RCAN2: variants seen among roughly 807,000 people sequenced by gnomAD.
RCAN2 encodes the protein regulator of calcineurin 2.
RCAN2 carries 9 observed loss-of-function variants against 23.6 expected under a neutral mutation model. The ratio of observed to expected loss-of-function variants is 0.38; its 90% CI spans 0.23 to 0.67. RCAN2 has a LOEUF of 0.67. Ranked by LOEUF, RCAN2 falls within the 30% of genes least tolerant of loss-of-function variation. The pLI is 0.51. For synonymous variants in RCAN2, 109 were observed against 115.7 expected (o/e 0.94, Z 0.37); for missense variants, 273 against 302.3 (o/e 0.90, Z 0.72).
chr6:46,369,258 T>TGTC (rs1207081689), intron 2 of RCAN2, among the ~76,000 whole-genome samples: 2 of 152,184 alleles, frequency 1.3e-5, no homozygotes, highest in African/African-American at 4.8e-5. Flanking sequence ...CCTTCTGGAA[T>TGTC]ACCTCCTGAA....
chr6:46,457,045 C>T lies in RCAN2; in HGVS notation c.-2-67G>A, dbSNP rs976488168. Reference sequence around the variant, plus strand: ...TCCTTAAAACTCAGTTTTCGGGTCACAGTTTTGTATTGTCAGGGGCAGAAC... The same window carrying T: ...TCCTTAAAACTCAGTTTTCGGGTCATAGTTTTGTATTGTCAGGGGCAGAAC... On this transcript the variant is annotated intron_variant, in intron 1 of 4. Coordinates refer to ENST00000371374, the MANE Select transcript of RCAN2 (RefSeq NM_001251974.2). 6.2e-6 allele frequency: 7 copies of T among 1,123,760 alleles called. No homozygotes were observed. The African/African-American group carries it at 7.7e-5, about 12-fold the overall frequency. 69.6% of individuals were successfully genotyped at this position (1,123,760 alleles called of 1,614,324 possible).
chr6:46,336,475 T>C (rs1764147929), intron 2 of RCAN2, among the ~76,000 whole-genome samples: 1 of 152,134 alleles, frequency 6.6e-6, no homozygotes, highest in Non-Finnish European at 1.5e-5. Flanking sequence ...GAAGGGCATG[T>C]GATGTGGATG....
intron 2 of RCAN2, among the ~76,000 whole-genome samples, chr6:46,251,772 G>A (rs536151081): frequency 1.7e-4 from 26 of 152,236 alleles, no homozygotes; most frequent in East Asian, 5.8e-4. Context: ...GGCAGACATC[G>A]AGAACATCTT....
chr6:46,373,711 C>G (rs1251533545), intron 2 of RCAN2, among the ~76,000 whole-genome samples: 3 of 152,080 alleles, frequency 2.0e-5, no homozygotes, highest in African/African-American at 7.2e-5. Context: ...AGATAGGTAC[C>G]TAGGGACAGT....
Position 46,319,867 on chromosome 6 carries a change from A to T in RCAN2, c.226-70971T>A, listed in dbSNP as rs551547206. Among the ~76,000 whole-genome samples, 35 of 152,286 alleles carry T rather than the reference A, an allele frequency of 2.3e-4. 1 individual carries two copies. Among genetic ancestry groups the T allele is most frequent in the African/African-American group, 8.4e-4 (35 of 41,552 alleles). On this transcript the variant is annotated intron_variant, in intron 2 of 4. Coordinates refer to ENST00000371374, the MANE Select transcript of RCAN2 (RefSeq NM_001251974.2). ...TGGAGGGTTAGAATCTGTTATACACATGCCATCTCTCTTGCCACCTCACAC... is the reference window on the plus strand; with the variant it reads ...TGGAGGGTTAGAATCTGTTATACACTTGCCATCTCTCTTGCCACCTCACAC...
intron 2 of RCAN2, among the ~76,000 whole-genome samples, chr6:46,450,915 T>C (rs1280328138): frequency 6.6e-6 from 1 of 152,098 alleles, no homozygotes; most frequent in Non-Finnish European, 1.5e-5. Flanking sequence ...AGGTAGATTT[T>C]ATATATTCTC....
Position 46,300,076 on chromosome 6 carries a change from G to A in RCAN2, c.226-51180C>T, listed in dbSNP as rs958209317. 3.3e-5 allele frequency among the ~76,000 whole-genome samples: 5 copies of A among 151,234 alleles called. No homozygotes were observed. The East Asian group carries it at 5.8e-4, about 18-fold the overall frequency. On this transcript the variant is annotated intron_variant, in intron 2 of 4. Transcript: ENST00000371374. ...TAAAGCAATTTAAAAGAAGCCAAAT[G>A]TAAAGTAAAAGTAAAAGCAAAATGA...
chr6:46,413,034 T>C (rs944955524), intron 2 of RCAN2, among the ~76,000 whole-genome samples: 18 of 152,240 alleles, frequency 1.2e-4, no homozygotes, highest in African/African-American at 1.9e-4. Flanking sequence ...AATGATTGTC[T>C]TTAATCAAAG....
At chr6:46,320,420 T>A (rs1352771946) in intron 2 of RCAN2, among the ~76,000 whole-genome samples, 1 of 152,214 alleles carries the variant, frequency 6.6e-6, no homozygotes, top group Non-Finnish European at 1.5e-5. Flanking sequence ...TGATTTGAAA[T>A]GTCCAGTGGT....
chr6:46,338,829 G>A (rs1262935935), intron 2 of RCAN2, among the ~76,000 whole-genome samples: 9 of 151,866 alleles, frequency 5.9e-5, no homozygotes, highest in Non-Finnish European at 1.2e-4. Flanking sequence ...TCTGGCCAAA[G>A]TGGTGAAGCC....
chr6:46,320,852 C>T (rs773951862), intron 2 of RCAN2, among the ~76,000 whole-genome samples: 21 of 152,110 alleles, frequency 1.4e-4, no homozygotes, highest in Non-Finnish European at 2.2e-4. Flanking sequence ...TAAAACGTAG[C>T]ATGAGGGAAT....
intron 4 of RCAN2, among the ~76,000 whole-genome samples, chr6:46,235,527 C>T (rs1016875302): frequency 6.6e-5 from 10 of 152,180 alleles, no homozygotes; most frequent in Non-Finnish European, 1.3e-4. Flanking sequence ...TGACGTCTCT[C>T]TACAAGTTGA....
intron 1 of RCAN2, among the ~76,000 whole-genome samples, chr6:46,469,820 G>A (rs553499640): frequency 8.5e-5 from 13 of 152,238 alleles, no homozygotes; most frequent in East Asian, 3.9e-4. Context: ...TTCTCCCCTT[G>A]TGAATGAGAT....
chr6:46,477,553 T>C (rs928221389), intron 1 of RCAN2, among the ~76,000 whole-genome samples: 3 of 152,212 alleles, frequency 2.0e-5, no homozygotes, highest in Admixed American at 6.5e-5. Context: ...GGATCAGATG[T>C]CATTTTATGA....
chr6:46,423,357 T>C (rs1269851366), intron 2 of RCAN2, among the ~76,000 whole-genome samples: 1 of 152,188 alleles, frequency 6.6e-6, no homozygotes, highest in Non-Finnish European at 1.5e-5. Context: ...CTATAGTGTT[T>C]GTATTTTACA....
intron 4 of RCAN2, among the ~76,000 whole-genome samples, chr6:46,227,605 G>A (rs1278289531): frequency 6.6e-6 from 1 of 152,124 alleles, no homozygotes; most frequent in Admixed American, 6.5e-5. Flanking sequence ...ATGGTAGTTT[G>A]TATTTCTGTG....
chr6:46,249,317 C>CTTTTTTTTTTT (rs11331303), intron 2 of RCAN2, among the ~76,000 whole-genome samples: 3 of 97,114 alleles, frequency 3.1e-5, no homozygotes, highest in Admixed American at 1.0e-4. Context: ...TTCTTTCTTT[C>CTTTTTTTTTTT]TTTTTTTTTT....
At chr6:46,435,158 G>A (rs1767332037) in intron 2 of RCAN2, among the ~76,000 whole-genome samples, 1 of 152,096 alleles carries the variant, frequency 6.6e-6, no homozygotes, top group Non-Finnish European at 1.5e-5. Context: ...TTTTTAAAAG[G>A]TTACCATGTA....
chr6:46,395,740 C>G (rs139193107), intron 2 of RCAN2, among the ~76,000 whole-genome samples: 1 of 152,172 alleles, frequency 6.6e-6, no homozygotes, highest in Non-Finnish European at 1.5e-5. Context: ...AGGTCATTTT[C>G]GCAATCTAGG....
Sources: allele counts gnomAD v4.1 joint callset (sites outside exome capture counted in the v4.1 genomes callset), GRCh38; gene constraint gnomAD v4.1.1; transcripts MANE v1.5; gene names NCBI Gene and HGNC (gene_info 2026-07-23, HGNC 2026-07-21).